The following ANO1 variants were observed in gnomAD, a reference collection of about 807,000 sequenced individuals.
ANO1 encodes the protein anoctamin 1.
A neutral mutation model predicts 124.0 loss-of-function variants in ANO1; 59 were observed. The ratio of observed to expected loss-of-function variants is 0.48; its 90% CI spans 0.39 to 0.59. The LOEUF (loss-of-function observed/expected upper bound fraction) is 0.59, where lower values mean the gene tolerates loss of function less well. Among genes scored for constraint, ANO1 ranks in the 20% least tolerant of loss-of-function variants. The pLI, the probability that ANO1 is intolerant of heterozygous loss-of-function variation, is 0.00. For synonymous variants in ANO1, 529 were observed against 532.0 expected, an observed-to-expected ratio of 0.99 and a Z score of 0.08; for missense variants, 1,059 against 1,328.0, an observed-to-expected ratio of 0.80 and a Z score of 3.15.
intron 10 of ANO1, among the ~76,000 whole-genome samples, chr11:70,126,717 G>A (rs564433496): frequency 6.6e-6 from 1 of 151,370 alleles, no homozygotes; most frequent in East Asian, 2.0e-4. Context: ...CAGAGGCCTC[G>A]GTGCAGGCTG....
chr11:70,089,553 G>A (rs930530575), intron 2 of ANO1, among the ~76,000 whole-genome samples: 2 of 152,176 alleles, frequency 1.3e-5, no homozygotes, highest in African/African-American at 4.8e-5. Flanking sequence ...ACCTTCCTGA[G>A]GTCTGGCCAC....
Position 70,170,258 on chromosome 11 carries a change from A to C in ANO1, c.2198-629A>C, listed in dbSNP as rs571592726. 105 of 430,874 alleles carry C rather than the reference A, an allele frequency of 2.4e-4. 1 individual carries two copies. The East Asian group carries it at 7.1e-3, about 29-fold the overall frequency. 26.7% of individuals were successfully genotyped at this position (430,874 alleles called of 1,614,324 possible). A position where few individuals can be genotyped will look rare whatever the true frequency, so the allele number is the denominator to read the frequency against. Reference sequence around the variant, plus strand: ...CCAGCATGGGCAGGGGGATGACCACAGGCTGGGCCTTTGAGCTCACGATGG... The same window carrying C: ...CCAGCATGGGCAGGGGGATGACCACCGGCTGGGCCTTTGAGCTCACGATGG... On this transcript the variant is annotated intron_variant, in intron 21 of 25. Coordinates refer to ENST00000355303, the MANE Select transcript of ANO1 (RefSeq NM_018043.7).
intron 23 of ANO1, among the ~76,000 whole-genome samples, chr11:70,181,503 C>T (rs2048928429): frequency 6.6e-6 from 1 of 152,216 alleles, no homozygotes. Flanking sequence ...CGCGCAGGGC[C>T]CTGAGGCAGG....
At chr11:70,030,751 G>A (rs1443625696) in intron 1 of ANO1, among the ~76,000 whole-genome samples, 1 of 152,112 alleles carries the variant, frequency 6.6e-6, no homozygotes, top group Non-Finnish European at 1.5e-5. Context: ...CTTTTGCCAC[G>A]TAAGGCCACA....
chr11:69,988,727 G>T (rs1856095195), intron 1 of ANO1, among the ~76,000 whole-genome samples: 1 of 152,168 alleles, frequency 6.6e-6, no homozygotes, highest in Non-Finnish European at 1.5e-5. Context: ...CTTGTGGTCT[G>T]AACCTCCCAC....
intron 22 of ANO1, among the ~76,000 whole-genome samples, chr11:70,174,284 T>C (rs566896279): frequency 2.5e-4 from 37 of 150,906 alleles, no homozygotes; most frequent in Non-Finnish European, 3.8e-4. Context: ...TAGTCCCAGC[T>C]ACTCAGGAGG....
chr11:70,075,632 A>G (rs1555009928), upstream of ANO1, among the ~76,000 whole-genome samples: 1 of 152,158 alleles, frequency 6.6e-6, no homozygotes, highest in African/African-American at 2.4e-5. Flanking sequence ...GGTTTTACTA[A>G]TTCATGAGCA....
At position 70,104,079 on chromosome 11, in the gene ANO1, C is replaced by G; in HGVS notation, c.621C>G (p.Pro207=). The G allele has an allele frequency of 6.2e-7, 1 of 1,612,982 alleles. No individual in the cohort carries two copies. Reference sequence around the variant, plus strand: ...AGAAAATCACAGATCCCATCCAGCCCAAAGTGGCTGAGCACAGGCCCCAGA... The same window carrying G: ...AGAAAATCACAGATCCCATCCAGCCGAAAGTGGCTGAGCACAGGCCCCAGA... ...VLQKITDPIQ[P]KVAEHRPQTM... The change falls in exon 4 of 26, where the codon CCC becomes CCG. Residue 207 remains proline, a synonymous_variant. Coordinates refer to ENST00000355303, the MANE Select transcript of ANO1 (RefSeq NM_018043.7).
chr11:69,988,865 CCT>C (rs1292396822), intron 1 of ANO1, among the ~76,000 whole-genome samples: 2 of 151,930 alleles, frequency 1.3e-5, no homozygotes, highest in African/African-American at 2.4e-5. Flanking sequence ...AACCCACATG[CCT>C]CTCTGCACTA....
At chr11:69,988,371 G>C (rs572167441) in intron 1 of ANO1, among the ~76,000 whole-genome samples, 1 of 152,104 alleles carries the variant, frequency 6.6e-6, no homozygotes, top group Non-Finnish European at 1.5e-5. Context: ...CTGTGCCCTC[G>C]GCCAACTTAC....
In ANO1 at chr11:70,108,581, T is replaced by C. The variant is rs74621510; in HGVS notation, c.799+177T>C. On this transcript the variant is annotated intron_variant, in intron 6 of 25. Coordinates refer to ENST00000355303, the MANE Select transcript of ANO1 (RefSeq NM_018043.7). ...GTTGGGAGCGTGCAGGGCAGTTTTA[T>C]GGCCCAGCACTTTTAAACACAAATG... Among the ~76,000 whole-genome samples, 1,199 of 152,284 alleles carry C rather than the reference T, an allele frequency of 7.9e-3. 14 individuals are homozygous for C. The highest frequency in any genetic ancestry group is 0.025 in the African/African-American group (1,024 of 41,542).
chr11:70,014,263 A>AC (rs1274818580), intron 1 of ANO1, among the ~76,000 whole-genome samples: 14 of 83,494 alleles, frequency 1.7e-4, no homozygotes, highest in East Asian at 4.1e-4. Context: ...AAAGATTGCA[A>AC]CCCCCCCACC....
chr11:70,100,971 G>A (rs190950327), intron 2 of ANO1, among the ~76,000 whole-genome samples: 1 of 152,306 alleles, frequency 6.6e-6, no homozygotes, highest in Admixed American at 6.5e-5. Context: ...ATGGCGTAGG[G>A]CAGGCCTCGT....
Position 70,070,688 on chromosome 11 carries a change from G to A in ANO1, c.59-7854G>A, listed in dbSNP as rs534970858. ...GAAACTCCAAGTGAATAAATGAATT[G>A]TGAGTGCATGGTGAGTGGGTAAGTA... On this transcript the variant is annotated intron_variant, in intron 1 of 27. Coordinates refer to the ANO1 transcript ENST00000531349. Among the ~76,000 whole-genome samples, 8 of 152,302 alleles carry A rather than the reference G, an allele frequency of 5.3e-5. No individual in the cohort carries two copies. In the East Asian group the frequency reaches 9.6e-4, roughly 18 times the overall value.
chr11:70,094,176 A>C (rs2044749511), intron 2 of ANO1, among the ~76,000 whole-genome samples: 1 of 152,208 alleles, frequency 6.6e-6, no homozygotes, highest in South Asian at 2.1e-4. Flanking sequence ...TGCTCCTGCC[A>C]GAGGGGAACC....
rs1465841862 is a variant in ANO1, at chr11:70,170,929, C to T, written c.2240C>T (p.Pro747Leu). The change falls in exon 22 of 26, where the codon CCC becomes CTC. Residue 747 changes from proline (P) to leucine (L), a missense_variant. Transcript: ENST00000355303. Reference sequence around the variant, plus strand: ...GTCACCCTGTTTGTCGCCTCCTTCCCCCTGGCCCCACTGTTTGCGCTGCTG... The same window carrying T: ...GTCACCCTGTTTGTCGCCTCCTTCCTCCTGGCCCCACTGTTTGCGCTGCTG... ...GFVTLFVASF[P>L]LAPLFALLNN... 6.2e-7 allele frequency: 1 copy of T among 1,613,454 alleles called. No homozygotes were observed. Among genetic ancestry groups the T allele is most frequent in the Non-Finnish European group, 8.5e-7 (1 of 1,179,770 alleles).
chr11:70,075,416 G>T (rs1565174838), upstream of ANO1: 5 of 151,782 alleles, frequency 3.3e-5, no homozygotes, highest in Admixed American at 2.6e-4. Context: ...GAGAAGATTA[G>T]TATGGCCCCT....
intron 11 of ANO1, among the ~76,000 whole-genome samples, chr11:70,142,986 G>A (rs1440539130): frequency 6.6e-6 from 1 of 152,194 alleles, no homozygotes; most frequent in Non-Finnish European, 1.5e-5. Context: ...GGGCTTCCAT[G>A]TGAATTTGAG....
intron 1 of ANO1, among the ~76,000 whole-genome samples, chr11:70,057,221 G>C (rs200858712): frequency 6.6e-6 from 1 of 152,158 alleles, no homozygotes; most frequent in Admixed American, 6.5e-5. Flanking sequence ...TGGACAATGC[G>C]GAGGCTCCAG....
Sources: gnomAD v4.1 joint callset for allele counts (sites outside exome capture counted in the v4.1 genomes callset) on GRCh38, gnomAD v4.1.1 for gene constraint, MANE v1.5 for transcripts, NCBI Gene and HGNC (gene_info 2026-07-23, HGNC 2026-07-21) for gene names.